Variants in FMN2 observed in about 807,000 individuals in gnomAD.
FMN2 encodes formin 2.
Under a neutral mutation model 142.3 loss-of-function variants are expected in FMN2, and 51 were observed. The observed-to-expected ratio is 0.36, with a 90% CI of 0.29 to 0.45. The LOEUF is 0.45. Ranked by LOEUF, FMN2 falls within the 20% of genes least tolerant of loss-of-function variation. The probability of loss-of-function intolerance (pLI) is 1.00; values close to 1 mark genes in which losing one functional copy is unlikely to be tolerated. For synonymous variants in FMN2, 882 were observed against 869.8 expected (o/e 1.01, Z -0.25); for missense variants, 1,936 against 2,122.8 (o/e 0.91, Z 1.73).
intron 1 of FMN2, among the ~76,000 whole-genome samples, chr1:240,112,382 G>A (rs1368305652): frequency 2.6e-5 from 4 of 151,818 alleles, no homozygotes; most frequent in Non-Finnish European, 5.9e-5. Context: ...TGCCTGCCTC[G>A]GCCTCCCAAA....
At chr1:240,203,056 G>A (rs990092363) in intron 4 of FMN2, among the ~76,000 whole-genome samples, 5 of 152,100 alleles carry the variant, frequency 3.3e-5, no homozygotes, top group Non-Finnish European at 4.4e-5. Flanking sequence ...CTGGAAAAAC[G>A]AAAATGATCT....
At chr1:240,350,822 C>A (rs1302598628) in intron 13 of FMN2, among the ~76,000 whole-genome samples, 1 of 152,106 alleles carries the variant, frequency 6.6e-6, no homozygotes, top group African/African-American at 2.4e-5. Context: ...AGTAGAAGTT[C>A]AAAACTGGTC....
intron 15 of FMN2, among the ~76,000 whole-genome samples, chr1:240,409,677 G>T (rs1037591879): frequency 6.6e-6 from 1 of 152,070 alleles, no homozygotes; most frequent in African/African-American, 2.4e-5. Flanking sequence ...TAATATTTGT[G>T]TAGACTCCAT....
chr1:240,464,150 C>A (rs1378433204), intron 16 of FMN2, among the ~76,000 whole-genome samples: 1 of 152,110 alleles, frequency 6.6e-6, no homozygotes, highest in Non-Finnish European at 1.5e-5. Context: ...CAGAAAGAGG[C>A]AGATGTGTGT....
intron 6 of FMN2, among the ~76,000 whole-genome samples, chr1:240,257,538 T>C (rs1451778429): frequency 2.0e-5 from 3 of 152,218 alleles, no homozygotes; most frequent in African/African-American, 7.2e-5. Flanking sequence ...CTGACGTGTT[T>C]GAAGTTTCAG....
intron 6 of FMN2, among the ~76,000 whole-genome samples, chr1:240,236,835 G>T (rs1035938682): frequency 5.3e-5 from 8 of 152,174 alleles, no homozygotes; most frequent in African/African-American, 1.9e-4. Context: ...TCACATTTCA[G>T]TGTGAGATTT....
intron 15 of FMN2, among the ~76,000 whole-genome samples, chr1:240,430,714 T>TAAA (rs61378739): frequency 7.8e-6 from 1 of 127,492 alleles, no homozygotes. Context: ...ACCATTTGAT[T>TAAA]AAAAAAAAAA....
At chr1:240,414,307 G>C (rs1041395649) in intron 15 of FMN2, among the ~76,000 whole-genome samples, 1 of 152,138 alleles carries the variant, frequency 6.6e-6, no homozygotes, top group Admixed American at 6.6e-5. Flanking sequence ...GAATGGGTAG[G>C]GTCATTCTTA....
At chr1:240,130,510 G>A (rs1662692471) in intron 2 of FMN2, among the ~76,000 whole-genome samples, 1 of 151,966 alleles carries the variant, frequency 6.6e-6, no homozygotes, top group African/African-American at 2.4e-5. Flanking sequence ...CACTGTGTTG[G>A]CCAGGCTGGT....
At chr1:240,145,388 G>A (rs1663403053) in intron 2 of FMN2, 1 of 525,570 alleles carries the variant, frequency 1.9e-6, no homozygotes, top group African/African-American at 1.9e-5. Flanking sequence ...CGCTGCCACT[G>A]CCCTTTATTT....
chr1:240,219,248 T>G (rs942997374), intron 6 of FMN2, among the ~76,000 whole-genome samples: 1 of 152,192 alleles, frequency 6.6e-6, no homozygotes, highest in African/African-American at 2.4e-5. Flanking sequence ...GGACTGAATT[T>G]AGATTAATTG....
chr1:240,162,091 T>G (rs1664303538), intron 2 of FMN2, among the ~76,000 whole-genome samples: 2 of 150,898 alleles, frequency 1.3e-5, no homozygotes, highest in African/African-American at 4.9e-5. Context: ...GTGATTGTAC[T>G]CTAGCACTCA....
In FMN2 at chr1:240,146,292, G is replaced by A. The variant is rs568133249; in HGVS notation, c.1782+22947G>A. Among the ~76,000 whole-genome samples the A allele has an allele frequency of 2.0e-5, 3 of 151,686 alleles. No individual in the cohort carries two copies. In the East Asian group the frequency reaches 5.8e-4, roughly 29 times the overall value. On this transcript the variant is annotated intron_variant, in intron 2 of 17. Coordinates refer to ENST00000319653, the MANE Select transcript of FMN2 (RefSeq NM_020066.5). ...GCCTATAGTCCCAGTTACTTGGGAG[G>A]CTGAGGCAGGAGAATTGCTTGAACC...
Position 240,339,201 on chromosome 1 carries a change from C to T in FMN2, c.4765+4972C>T, listed in dbSNP as rs73126230. ...ATCTGTGGCCCAGGGGTTGAGGACC[C>T]CTGACTTAGGAGCCATCTTGGTTAT... is the stretch of plus-strand genomic sequence containing the variant. On this transcript the variant is annotated intron_variant, in intron 13 of 17. Coordinates refer to ENST00000319653, the MANE Select transcript of FMN2 (RefSeq NM_020066.5). Among the ~76,000 whole-genome samples, 1,301 of 152,146 alleles carry T rather than the reference C, an allele frequency of 8.6e-3. 25 individuals are homozygous for T. Among genetic ancestry groups the T allele is most frequent in the African/African-American group, 0.029 (1,201 of 41,516 alleles).
intron 6 of FMN2, among the ~76,000 whole-genome samples, chr1:240,227,784 A>G (rs1378707041): frequency 6.6e-6 from 1 of 152,188 alleles, no homozygotes; most frequent in African/African-American, 2.4e-5. Context: ...TCTTAGATCT[A>G]TGACTCTAAA....
intron 13 of FMN2, among the ~76,000 whole-genome samples, chr1:240,335,488 C>T (rs1284896497): frequency 6.6e-6 from 1 of 152,120 alleles, no homozygotes. Flanking sequence ...TGATGACAGG[C>T]ATCTTGGTTT....
chr1:240,101,709 A>ATTT lies in FMN2; in HGVS notation c.1615+8001_1615+8003dup, dbSNP rs776711940. Among the ~76,000 whole-genome samples, 359 of 137,878 alleles carry ATTT rather than the reference A, an allele frequency of 2.6e-3. No individual in the cohort carries two copies. The South Asian group carries it at 0.031, about 12-fold the overall frequency. The allele number at this position is 137,878 out of a possible 152,430, so 90.5% of individuals were successfully genotyped here. A position where few individuals can be genotyped will look rare whatever the true frequency, so the allele number is the denominator to read the frequency against. On this transcript the variant is annotated intron_variant, in intron 1 of 17. Coordinates refer to ENST00000319653, the MANE Select transcript of FMN2 (RefSeq NM_020066.5). ...AGGCGTGAGCCACTATGCCTGGCTA[A>ATTT]TTTTTTTTTTTTTTTTTTGGAGAGA... is the stretch of plus-strand genomic sequence containing the variant.
At chr1:240,154,149 G>A (rs1366944686) in intron 2 of FMN2, among the ~76,000 whole-genome samples, 1 of 138,388 alleles carries the variant, frequency 7.2e-6, no homozygotes, top group Non-Finnish European at 1.5e-5. Flanking sequence ...TACCTACAAG[G>A]CCTACCCAGT....
chr1:240,413,660 C>T (rs1463251267), intron 15 of FMN2, among the ~76,000 whole-genome samples: 1 of 152,158 alleles, frequency 6.6e-6, no homozygotes. Context: ...GAAACTCAGT[C>T]AAAGTGCCCC....
Sources: gnomAD v4.1 joint callset for allele counts (sites outside exome capture counted in the v4.1 genomes callset) on GRCh38, gnomAD v4.1.1 for gene constraint, MANE v1.5 for transcripts, NCBI Gene and HGNC (gene_info 2026-07-23, HGNC 2026-07-21) for gene names.